NXPH2: variants seen among roughly 807,000 people sequenced by gnomAD.
NXPH2 encodes the protein neurexophilin-2.
In NXPH2, 5 loss-of-function variants were observed where a neutral mutation model predicts 19.8. The observed-to-expected ratio is 0.25, with a 90% confidence interval of 0.13 to 0.53. The LOEUF is 0.53. Ranked by LOEUF, NXPH2 falls within the 20% of genes least tolerant of loss-of-function variation. The probability of loss-of-function intolerance (pLI) is 0.96; values close to 1 mark genes in which losing one functional copy is unlikely to be tolerated. For missense variants in NXPH2, 289 were observed against 322.8 expected (o/e 0.90, Z 0.80); for synonymous variants, 154 against 127.4 (o/e 1.21, Z -1.41).
chr2:138,735,023 G>A (rs1252892286), intron 1 of NXPH2, among the ~76,000 whole-genome samples: 1 of 152,190 alleles, frequency 6.6e-6, no homozygotes, highest in East Asian at 1.9e-4. Flanking sequence ...GGAAGAAGGT[G>A]AAGTCAGTAG....
intron 1 of NXPH2, among the ~76,000 whole-genome samples, chr2:138,694,652 A>G (rs1379655607): frequency 6.6e-6 from 1 of 152,144 alleles, no homozygotes; most frequent in East Asian, 1.9e-4. Flanking sequence ...TGTTGTTTTA[A>G]GCCACCTGGA....
chr2:138,759,901 T>C (rs902863982), intron 1 of NXPH2, among the ~76,000 whole-genome samples: 2 of 152,102 alleles, frequency 1.3e-5, no homozygotes, highest in East Asian at 3.9e-4. Context: ...GGCTAATTTT[T>C]TGTATTTTTA....
chr2:138,717,340 A>G (rs866037286), intron 1 of NXPH2, among the ~76,000 whole-genome samples: 16 of 152,072 alleles, frequency 1.1e-4, no homozygotes, highest in African/African-American at 3.4e-4. Context: ...CAACTGTCTT[A>G]GTCCGTTTTG....
chr2:138,726,883 C>T (rs1681369197), intron 1 of NXPH2, among the ~76,000 whole-genome samples: 1 of 152,126 alleles, frequency 6.6e-6, no homozygotes, highest in African/African-American at 2.4e-5. Context: ...AACATGTATC[C>T]ACCATTATAG....
chr2:138,682,866 C>G (rs1205951452), intron 1 of NXPH2, among the ~76,000 whole-genome samples: 1 of 152,178 alleles, frequency 6.6e-6, no homozygotes, highest in Non-Finnish European at 1.5e-5. Context: ...TCAGTACACA[C>G]ACACATGCAT....
intron 1 of NXPH2, among the ~76,000 whole-genome samples, chr2:138,732,696 C>T (rs1023157184): frequency 6.6e-6 from 1 of 152,060 alleles, no homozygotes; most frequent in Non-Finnish European, 1.5e-5. Context: ...AAATGTTCCT[C>T]CTGCCAATAT....
chr2:138,764,252 G>C (rs907756455), intron 1 of NXPH2, among the ~76,000 whole-genome samples: 8 of 152,080 alleles, frequency 5.3e-5, no homozygotes, highest in Admixed American at 1.3e-4. Flanking sequence ...CCCTCCAAAA[G>C]AATCATGAAC....
chr2:138,736,266 C>T (rs964670145), intron 1 of NXPH2, among the ~76,000 whole-genome samples: 15 of 152,210 alleles, frequency 9.9e-5, no homozygotes, highest in African/African-American at 3.6e-4. Context: ...GAGGGCCCCA[C>T]CCTTGCAGCA....
intron 1 of NXPH2, among the ~76,000 whole-genome samples, chr2:138,750,112 A>G (rs571715384): frequency 5.3e-4 from 81 of 152,340 alleles, no homozygotes; most frequent in African/African-American, 1.8e-3. Context: ...GTTCAGGGTG[A>G]CAGGAGGCTT....
At chr2:138,758,412 C>T (rs1573980460) in intron 1 of NXPH2, among the ~76,000 whole-genome samples, 1 of 152,132 alleles carries the variant, frequency 6.6e-6, no homozygotes, top group African/African-American at 2.4e-5. Context: ...TATTCTATCT[C>T]CTTATTTACA....
intron 1 of NXPH2, among the ~76,000 whole-genome samples, chr2:138,677,067 A>G (rs1220293837): frequency 6.6e-6 from 1 of 152,186 alleles, no homozygotes; most frequent in African/African-American, 2.4e-5. Flanking sequence ...CTGTGATACA[A>G]CATGCTGTGA....
intron 1 of NXPH2, among the ~76,000 whole-genome samples, chr2:138,701,875 A>G (rs1024896827): frequency 1.3e-5 from 2 of 152,110 alleles, no homozygotes. Flanking sequence ...AAGACTCTAG[A>G]TAACATTTTA....
At chr2:138,714,321 G>A (rs1681156827) in intron 1 of NXPH2, among the ~76,000 whole-genome samples, 1 of 152,028 alleles carries the variant, frequency 6.6e-6, no homozygotes, top group Admixed American at 6.6e-5. Flanking sequence ...ATAGTTATTT[G>A]TATTTTCATT....
At position 138,669,687 on chromosome 2, in the gene NXPH2, A is replaced by C. The variant is rs1030583947; in HGVS notation, c.*1235T>G. On this transcript the variant is annotated 3_prime_UTR_variant, in exon 2 of 2. Coordinates refer to ENST00000272641, the MANE Select transcript of NXPH2 (RefSeq NM_007226.3). The stretch of plus-strand genomic sequence containing the variant: ...GTTCTAGAAGCCTTTTTCTTGGCCA[A>C]CCAGACCCCTGTTTCTGTTCTAATT... Among the ~76,000 whole-genome samples, 1 of 152,164 alleles carries C rather than the reference A, an allele frequency of 6.6e-6. No homozygotes were observed. Among genetic ancestry groups the C allele is most frequent in the Non-Finnish European group, 1.5e-5 (1 of 68,004 alleles).
intron 1 of NXPH2, among the ~76,000 whole-genome samples, chr2:138,707,107 A>AAAAAAAAAAAAAAAAAAAAAAC (rs1558918445): frequency 2.0e-5 from 3 of 146,536 alleles, no homozygotes; most frequent in African/African-American, 7.5e-5. Flanking sequence ...AAAAAAAAAA[A>AAAAAAAAAAAAAAAAAAAAAAC]AAAAAGAGCA....
chr2:138,671,099 G>T lies in NXPH2; in HGVS notation c.618C>A (p.Asp206Glu). Residue 206 changes from aspartate to glutamate, a missense_variant, in exon 2 of 2, where the codon GAC becomes GAA. Coordinates refer to ENST00000272641, the MANE Select transcript of NXPH2 (RefSeq NM_007226.3). ...GCTCCTGGTAGCAGATCTTGGATGGGTCAAAGTTGCACAGGGCGGTCTTTT... is the reference window on the plus strand; with the variant it reads ...GCTCCTGGTAGCAGATCTTGGATGGTTCAAAGTTGCACAGGGCGGTCTTTT... ...RAKKTALCNF[D>E]PSKICYQEQT... is the part of the protein sequence containing the mutation. The T allele has an allele frequency of 6.2e-7, 1 of 1,613,918 alleles. No individual in the cohort carries two copies. Among genetic ancestry groups the T allele is most frequent in the Non-Finnish European group, 8.5e-7 (1 of 1,179,848 alleles).
intron 1 of NXPH2, among the ~76,000 whole-genome samples, chr2:138,777,367 C>T (rs1201167788): frequency 1.3e-5 from 2 of 151,992 alleles, no homozygotes; most frequent in Admixed American, 6.6e-5. Flanking sequence ...ATATTTAAAT[C>T]TTGCAAATAG....
rs563753244 is a variant in NXPH2, at chr2:138,751,643, CATATA to C, written c.51+28543_51+28547del. On this transcript the variant is annotated intron_variant, in intron 1 of 1. Coordinates refer to ENST00000272641, the MANE Select transcript of NXPH2 (RefSeq NM_007226.3). ...TGGTATGTTCTCTCTTCAAAGGAGA[CATATA>C]ATATAACCATATTTCCTTATTTTTC... Among the ~76,000 whole-genome samples, 13 of 152,216 alleles carry C rather than the reference CATATA, an allele frequency of 8.5e-5. 1 individual carries two copies. In the South Asian group the frequency reaches 2.5e-3, roughly 29 times the overall value.
intron 1 of NXPH2, among the ~76,000 whole-genome samples, chr2:138,730,138 T>A (rs1191655025): frequency 6.6e-6 from 1 of 152,186 alleles, no homozygotes; most frequent in Non-Finnish European, 1.5e-5. Flanking sequence ...CATATTGGAC[T>A]AGGGCCTGCC....
Sources: gnomAD v4.1 joint callset for allele counts (sites outside exome capture counted in the v4.1 genomes callset) on GRCh38, gnomAD v4.1.1 for gene constraint, MANE v1.5 for transcripts, NCBI Gene and HGNC (gene_info 2026-07-23, HGNC 2026-07-21) for gene names.